The following EPHA6 variants were observed in gnomAD, a reference collection of about 807,000 sequenced individuals.
EPHA6 encodes EPH receptor A6.
A neutral mutation model predicts 112.0 loss-of-function variants in EPHA6; 50 were observed. That is an observed-to-expected ratio of 0.45 (90% confidence interval 0.36 to 0.56). The LOEUF is 0.56. Ranked by LOEUF, EPHA6 falls within the 20% of genes least tolerant of loss-of-function variation. EPHA6 has a pLI of 0.00. For missense variants in EPHA6, 1,280 were observed against 1,417.4 expected, an observed-to-expected ratio of 0.90 and a Z score of 1.56; for synonymous variants, 529 against 490.7, an observed-to-expected ratio of 1.08 and a Z score of -1.03.
chr3:96,914,867 G>A (rs1405977299), intron 2 of EPHA6, among the ~76,000 whole-genome samples: 2 of 151,854 alleles, frequency 1.3e-5, no homozygotes, highest in Non-Finnish European at 2.9e-5. Flanking sequence ...AGAAAACTGT[G>A]AGGTAATAAA....
At chr3:96,835,380 A>G (rs1200816369) in intron 1 of EPHA6, among the ~76,000 whole-genome samples, 1 of 152,066 alleles carries the variant, frequency 6.6e-6, no homozygotes, top group African/African-American at 2.4e-5. Flanking sequence ...AAGACTTTGT[A>G]TAGGACGTGA....
In EPHA6 at chr3:97,500,138, T is replaced by A. The variant is rs147380858; in HGVS notation, c.2200+16079T>A. Among the ~76,000 whole-genome samples, 397 of 152,258 alleles carry A rather than the reference T, an allele frequency of 2.6e-3. 2 individuals carry two copies. Among genetic ancestry groups the A allele is most frequent in the Non-Finnish European group, 4.3e-3 (295 of 68,026 alleles). On this transcript the variant is annotated intron_variant, in intron 10 of 17. Transcript: ENST00000389672. ...ACAAACTAAAACACAAACATACACA[T>A]GAGCTTAGGTCTACACAAGATCAGG...
intron 5 of EPHA6, among the ~76,000 whole-genome samples, chr3:97,343,432 G>T (rs1047580171): frequency 1.3e-5 from 2 of 152,144 alleles, no homozygotes; most frequent in African/African-American, 4.8e-5. Context: ...GGGAAGAAAT[G>T]AATTGAAGAT....
At chr3:96,948,221 G>A (rs1203864463) in intron 2 of EPHA6, among the ~76,000 whole-genome samples, 2 of 152,146 alleles carry the variant, frequency 1.3e-5, no homozygotes, top group African/African-American at 4.8e-5. Context: ...AACTTGGAGT[G>A]TCTTATAGAT....
chr3:97,561,435 G>A (rs535270086), intron 11 of EPHA6, among the ~76,000 whole-genome samples: 2 of 152,136 alleles, frequency 1.3e-5, no homozygotes, highest in East Asian at 1.9e-4. Context: ...AGTTTTAGTG[G>A]TCTGGATAGA....
intron 13 of EPHA6, among the ~76,000 whole-genome samples, chr3:97,622,516 C>T (rs746035178): frequency 1.3e-5 from 2 of 151,732 alleles, no homozygotes; most frequent in African/African-American, 2.4e-5. Context: ...ATTTGTATTG[C>T]TTTCATGTTT....
At chr3:97,139,816 A>G (rs893911123) in intron 3 of EPHA6, among the ~76,000 whole-genome samples, 6 of 152,224 alleles carry the variant, frequency 3.9e-5, no homozygotes, top group African/African-American at 1.2e-4. Context: ...TTAGGTCTGT[A>G]GCAGTGGATC....
intron 2 of EPHA6, among the ~76,000 whole-genome samples, chr3:96,925,191 T>C: frequency 6.6e-6 from 1 of 152,268 alleles, no homozygotes; most frequent in Middle Eastern, 3.4e-3. Flanking sequence ...CCCTCCTTTT[T>C]AATTTTTTGG....
intron 3 of EPHA6, among the ~76,000 whole-genome samples, chr3:97,100,290 C>T (rs926038145): frequency 6.6e-6 from 1 of 150,506 alleles, no homozygotes; most frequent in Non-Finnish European, 1.5e-5. Context: ...TTAACATTCT[C>T]TAAGCAGTTT....
intron 13 of EPHA6, among the ~76,000 whole-genome samples, chr3:97,628,822 T>G (rs2093879658): frequency 6.6e-6 from 1 of 152,078 alleles, no homozygotes; most frequent in African/African-American, 2.4e-5. Flanking sequence ...GTAAATTGTG[T>G]GCATGTGGTT....
intron 11 of EPHA6, among the ~76,000 whole-genome samples, chr3:97,568,788 T>C (rs1217661508): frequency 1.3e-5 from 2 of 152,154 alleles, no homozygotes; most frequent in African/African-American, 2.4e-5. Flanking sequence ...AATGTAGGTA[T>C]AGGGACCAGT....
chr3:97,387,255 CATG>C (rs1327223163), intron 5 of EPHA6, among the ~76,000 whole-genome samples: 2 of 151,872 alleles, frequency 1.3e-5, no homozygotes, highest in South Asian at 2.1e-4. Flanking sequence ...CTTTCTACCA[CATG>C]ATGGGACTGC....
intron 1 of EPHA6, among the ~76,000 whole-genome samples, chr3:96,833,557 C>T (rs1421000510): frequency 6.6e-6 from 1 of 151,930 alleles, no homozygotes; most frequent in Non-Finnish European, 1.5e-5. Flanking sequence ...AGCTTGCATT[C>T]TTAAGGAGTA....
chr3:97,573,444 C>T (rs1405303622), intron 11 of EPHA6, among the ~76,000 whole-genome samples: 2 of 152,016 alleles, frequency 1.3e-5, no homozygotes, highest in African/African-American at 4.8e-5. Context: ...TTAAAGAGTT[C>T]TTTTATAGTC....
At chr3:97,444,153 ATTG>A (rs1278479158) in intron 6 of EPHA6, among the ~76,000 whole-genome samples, 2 of 152,162 alleles carry the variant, frequency 1.3e-5, no homozygotes, top group East Asian at 3.9e-4. Context: ...TGTTATTATG[ATTG>A]TTGTTATATC....
chr3:97,627,854 C>A (rs1367169648), intron 13 of EPHA6, among the ~76,000 whole-genome samples: 1 of 151,876 alleles, frequency 6.6e-6, no homozygotes, highest in South Asian at 2.1e-4. Flanking sequence ...CCAGGCTTTA[C>A]CCCAGACCAA....
At chr3:97,272,333 TA>T (rs1391456500) in intron 5 of EPHA6, among the ~76,000 whole-genome samples, 7 of 143,902 alleles carry the variant, frequency 4.9e-5, no homozygotes, top group African/African-American at 1.8e-4. Flanking sequence ...TGTGTGTGTG[TA>T]CATACATATG....
chr3:96,866,841 A>C lies in EPHA6; in HGVS notation c.402A>C (p.Thr134=). The C allele has an allele frequency of 6.7e-7, 1 of 1,482,658 alleles. No homozygotes were observed. The highest frequency in any genetic ancestry group is 9.0e-7 in the Non-Finnish European group (1 of 1,113,816). The allele number at this position is 1,482,658 out of a possible 1,614,324, so 91.8% of individuals were successfully genotyped here. A position where few individuals can be genotyped will look rare whatever the true frequency, so the allele number is the denominator to read the frequency against. Residue 134 remains threonine, a synonymous_variant, in exon 2 of 18, where the codon ACA becomes ACC. Transcript: ENST00000389672. ...TAATTCCAGTTGTGTTGCTTGATAC[A>C]ACAACTGTACTGGGAGAGCTAGGAT... The part of the protein sequence containing the change: ...VSNNQVVLLD[T]TTVLGELGWK...
intron 11 of EPHA6, among the ~76,000 whole-genome samples, chr3:97,538,397 A>C (rs949160488): frequency 6.6e-6 from 1 of 152,156 alleles, no homozygotes; most frequent in Non-Finnish European, 1.5e-5. Flanking sequence ...TGGAGAAATA[A>C]CAGATCTAGA....
Sources: gnomAD v4.1 joint callset for allele counts (sites outside exome capture counted in the v4.1 genomes callset) on GRCh38, gnomAD v4.1.1 for gene constraint, MANE v1.5 for transcripts, NCBI Gene and HGNC (gene_info 2026-07-23, HGNC 2026-07-21) for gene names.